PTPRT: variants seen among roughly 807,000 people sequenced by gnomAD.
The protein encoded by PTPRT is receptor-type tyrosine-protein phosphatase T.
A neutral mutation model predicts 176.8 loss-of-function variants in PTPRT; 56 were observed. That is an observed-to-expected ratio of 0.32 (90% CI 0.26 to 0.40). The LOEUF is 0.40. Ranked by LOEUF, PTPRT falls within the 10% of genes least tolerant of loss-of-function variation. The probability of loss-of-function intolerance (pLI) is 1.00; values close to 1 mark genes in which losing one functional copy is unlikely to be tolerated. For missense variants in PTPRT, 1,540 were observed against 1,908.2 expected (o/e 0.81, Z 3.60); for synonymous variants, 783 against 739.0 (o/e 1.06, Z -0.96).
intron 1 of PTPRT, among the ~76,000 whole-genome samples, chr20:43,148,661 C>T (rs2014246653): frequency 6.6e-6 from 1 of 152,162 alleles, no homozygotes; most frequent in Non-Finnish European, 1.5e-5. Context: ...ACCCCAAAAC[C>T]ATCCCAGCTA....
At chr20:42,757,838 G>A (rs923063615) in intron 5 of PTPRT, among the ~76,000 whole-genome samples, 3 of 152,184 alleles carry the variant, frequency 2.0e-5, no homozygotes, top group Non-Finnish European at 4.4e-5. Flanking sequence ...ATGAGAACTG[G>A]TAAGGCACAT....
intron 21 of PTPRT, among the ~76,000 whole-genome samples, chr20:42,117,521 C>A (rs766244820): frequency 9.9e-5 from 15 of 152,054 alleles, no homozygotes; most frequent in Non-Finnish European, 1.9e-4. Flanking sequence ...GAGCAGGAGA[C>A]CAAGATCTGA....
At chr20:42,166,602 TA>T (rs1247680767) in intron 16 of PTPRT, among the ~76,000 whole-genome samples, 1 of 152,212 alleles carries the variant, frequency 6.6e-6, no homozygotes. Flanking sequence ...TAGTGCTCAC[TA>T]AAATGTTTAC....
Position 42,621,015 on chromosome 20 carries a change from A to G in PTPRT, c.1153+56851T>C, listed in dbSNP as rs189922331. On this transcript the variant is annotated intron_variant, in intron 7 of 30. Coordinates refer to ENST00000373187, the MANE Select transcript of PTPRT (RefSeq NM_007050.6). ...TCAGATCTCATGAGACCCATTCACT[A>G]TCAGGAGAACAGCATGGGAAAGACC... Among the ~76,000 whole-genome samples the G allele has an allele frequency of 6.6e-5, 10 of 152,130 alleles. No individual in the cohort carries two copies. In the East Asian group the frequency reaches 1.5e-3, roughly 24 times the overall value.
intron 2 of PTPRT, among the ~76,000 whole-genome samples, chr20:42,857,324 C>T (rs927321082): frequency 6.6e-6 from 1 of 152,160 alleles, no homozygotes; most frequent in Non-Finnish European, 1.5e-5. Context: ...AGTTTCCTGA[C>T]AGTGTGAAGT....
intron 11 of PTPRT, among the ~76,000 whole-genome samples, chr20:42,348,349 C>T (rs1279524597): frequency 1.4e-5 from 2 of 147,744 alleles, no homozygotes; most frequent in South Asian, 2.2e-4. Context: ...CAACCATTTC[C>T]CCTTTGAGCA....
intron 29 of PTPRT, among the ~76,000 whole-genome samples, chr20:42,084,257 CA>C (rs1983647158): frequency 6.6e-6 from 1 of 152,204 alleles, no homozygotes; most frequent in African/African-American, 2.4e-5. Flanking sequence ...CAGTTCACCC[CA>C]GCAATGGGGG....
intron 16 of PTPRT, among the ~76,000 whole-genome samples, chr20:42,192,770 G>C (rs1372822113): frequency 6.6e-6 from 1 of 152,156 alleles, no homozygotes; most frequent in African/African-American, 2.4e-5. Context: ...GCCATTCTTT[G>C]CTCCTCTCTC....
chr20:42,595,636 C>T (rs1400600412), intron 7 of PTPRT, among the ~76,000 whole-genome samples: 1 of 152,188 alleles, frequency 6.6e-6, no homozygotes, highest in Non-Finnish European at 1.5e-5. Context: ...AAGCATGCTG[C>T]AGCCCCTACC....
intron 7 of PTPRT, among the ~76,000 whole-genome samples, chr20:42,643,145 A>G (rs2145938066): frequency 6.6e-6 from 1 of 152,236 alleles, no homozygotes; most frequent in South Asian, 2.1e-4. Flanking sequence ...ACGCAGCATT[A>G]TTATGGCAAT....
intron 7 of PTPRT, among the ~76,000 whole-genome samples, chr20:42,646,986 C>T (rs2074920416): frequency 1.4e-5 from 2 of 138,626 alleles, no homozygotes; most frequent in African/African-American, 2.7e-5. Flanking sequence ...CCTTAATCTA[C>T]TGGGCTCGAG....
At chr20:43,072,830 T>G (rs2011198910) in intron 1 of PTPRT, among the ~76,000 whole-genome samples, 1 of 152,114 alleles carries the variant, frequency 6.6e-6, no homozygotes, top group South Asian at 2.1e-4. Flanking sequence ...CTAAGTGGAG[T>G]GTGTGAAGTG....
chr20:42,138,846 CT>C (rs1988495076), intron 18 of PTPRT, among the ~76,000 whole-genome samples: 2 of 152,296 alleles, frequency 1.3e-5, no homozygotes, highest in South Asian at 4.1e-4. Context: ...CTTGTTGTTT[CT>C]TTTGTAGGCA....
chr20:42,625,331 A>T (rs2074269714), intron 7 of PTPRT, among the ~76,000 whole-genome samples: 1 of 152,246 alleles, frequency 6.6e-6, no homozygotes, highest in Admixed American at 6.5e-5. Context: ...GAAAGAAGAA[A>T]AATGAAAGAG....
chr20:42,126,291 C>T (rs1017622972), intron 19 of PTPRT, among the ~76,000 whole-genome samples: 1 of 152,296 alleles, frequency 6.6e-6, no homozygotes, highest in Non-Finnish European at 1.5e-5. Context: ...TGTCATTGCT[C>T]ACTGTGATTA....
intron 6 of PTPRT, among the ~76,000 whole-genome samples, chr20:42,706,294 G>A (rs982351763): frequency 6.6e-6 from 1 of 151,362 alleles, no homozygotes; most frequent in Admixed American, 6.6e-5. Context: ...TAGCATCTCA[G>A]GCCAATGCTG....
Position 42,988,323 on chromosome 20 carries a change from G to A in PTPRT, c.89-102391C>T, listed in dbSNP as rs145876561. ...AAATATTTAATGTTCTTCCCCATTC[G>A]AAAAGTCCTCTGGTCCATGTTGACT... On this transcript the variant is annotated intron_variant, in intron 1 of 30. Coordinates refer to ENST00000373187, the MANE Select transcript of PTPRT (RefSeq NM_007050.6). Among the ~76,000 whole-genome samples, 181 of 152,256 alleles carry A rather than the reference G, an allele frequency of 1.2e-3. 1 individual carries two copies. Among genetic ancestry groups the A allele is most frequent in the African/African-American group, 4.1e-3 (172 of 41,554 alleles).
intron 11 of PTPRT, among the ~76,000 whole-genome samples, chr20:42,340,264 C>A (rs755176619): frequency 6.6e-6 from 1 of 152,120 alleles, no homozygotes; most frequent in African/African-American, 2.4e-5. Flanking sequence ...TAAAGTCTAG[C>A]CCTCGATTCT....
chr20:42,564,701 T>C (rs148800787), intron 7 of PTPRT, among the ~76,000 whole-genome samples: 1 of 152,298 alleles, frequency 6.6e-6, no homozygotes, highest in East Asian at 1.9e-4. Context: ...GGCACATGTA[T>C]ATCTATGTAA....
Sources: allele counts gnomAD v4.1 joint callset (sites outside exome capture counted in the v4.1 genomes callset), GRCh38; gene constraint gnomAD v4.1.1; transcripts MANE v1.5; gene names NCBI Gene and HGNC (gene_info 2026-07-23, HGNC 2026-07-21).